The following CSE1L variants were observed in gnomAD, a reference collection of about 807,000 sequenced individuals.
CSE1L encodes exportin-2.
In CSE1L, 24 loss-of-function variants were observed where a neutral mutation model predicts 120.4. That is an observed-to-expected ratio of 0.20 (90% CI 0.14 to 0.28). The LOEUF is 0.28. Among genes scored for constraint, CSE1L ranks in the 10% least tolerant of loss-of-function variants. CSE1L has a pLI of 1.00. For missense variants in CSE1L, 830 were observed against 1,145.2 expected (o/e 0.72, Z 3.97); for synonymous variants, 402 against 398.3 (o/e 1.01, Z -0.11).
At chr20:49,047,552 C>CTTTTTTTTTT (rs1230411564) in intron 1 of CSE1L, among the ~76,000 whole-genome samples, 3 of 89,802 alleles carry the variant, frequency 3.3e-5, no homozygotes, top group African/African-American at 1.4e-4. Flanking sequence ...TTTTCTTTTT[C>CTTTTTTTTTT]TTTTCTCTTT....
intron 2 of CSE1L, 63 bp downstream of exon 2, chr20:49,058,611 T>A: frequency 8.2e-7 from 1 of 1,216,282 alleles, no homozygotes; most frequent in Non-Finnish European, 1.2e-6. Context: ...GAAACCTATG[T>A]ATTATCTGCC....
chr20:49,084,073 T>A lies in CSE1L; in HGVS notation c.1530T>A (p.His510Gln). ...LLVSIPLLIN[H>Q]LQAESIVVHT... ...TCTCGATTCCTCTCTTGATTAATCATCTTCAAGCTGAAAGTATTGTTGTTC... is the reference window on the plus strand; with the variant it reads ...TCTCGATTCCTCTCTTGATTAATCAACTTCAAGCTGAAAGTATTGTTGTTC... The change falls in exon 15 of 25, where the codon CAT (histidine) becomes CAA (glutamine). Residue 510 changes from histidine (H) to glutamine (Q), a missense_variant. Transcript: ENST00000262982. 1 of 1,614,070 alleles carries A rather than the reference T, an allele frequency of 6.2e-7. No homozygotes were observed. The highest frequency in any genetic ancestry group is 8.5e-7 in the Non-Finnish European group (1 of 1,179,918).
chr20:49,095,037 G>A lies in CSE1L; in HGVS notation c.2826+74G>A, dbSNP rs1454254196. On this transcript the variant is annotated intron_variant, in intron 24 of 24. Coordinates refer to ENST00000262982, the MANE Select transcript of CSE1L (RefSeq NM_001316.4). ...AGGGCAAAAGGATAGTAGTAGTTCTGGTGTCTGTTTTCATTGGTGGGCGTA... is the reference window on the plus strand; with the variant it reads ...AGGGCAAAAGGATAGTAGTAGTTCTAGTGTCTGTTTTCATTGGTGGGCGTA... 6.9e-6 allele frequency: 8 copies of A among 1,152,590 alleles called. No individual in the cohort carries two copies. The Admixed American group carries it at 1.5e-4, about 22-fold the overall frequency. 71.4% of individuals were successfully genotyped at this position (1,152,590 alleles called of 1,614,324 possible).
chr20:49,056,564 C>A (rs1427605190), intron 1 of CSE1L, among the ~76,000 whole-genome samples: 1 of 152,156 alleles, frequency 6.6e-6, no homozygotes, highest in Admixed American at 6.5e-5. Context: ...TCAGTTTGCA[C>A]CTAATTTTAT....
At chr20:49,059,070 G>T (rs1406179263) in intron 2 of CSE1L, among the ~76,000 whole-genome samples, 1 of 151,506 alleles carries the variant, frequency 6.6e-6, no homozygotes, top group Non-Finnish European at 1.5e-5. Flanking sequence ...GGCAGAGCTT[G>T]CAGTGAGCCG....
intron 2 of CSE1L, among the ~76,000 whole-genome samples, chr20:49,060,162 G>C (rs1419572751): frequency 6.8e-6 from 1 of 148,036 alleles, no homozygotes; most frequent in African/African-American, 2.5e-5. Flanking sequence ...TCTAGCCTGG[G>C]TGACAGAGGG....
At chr20:49,052,005 C>G (rs140952749) in intron 1 of CSE1L, among the ~76,000 whole-genome samples, 9 of 152,304 alleles carry the variant, frequency 5.9e-5, no homozygotes, top group African/African-American at 1.9e-4. Flanking sequence ...CAGAACAAAT[C>G]TAAAAATTCA....
rs2092144053 is a variant in CSE1L, at chr20:49,096,689, T to G, written c.*251T>G. On this transcript the variant is annotated 3_prime_UTR_variant, in exon 25 of 25. Coordinates refer to ENST00000262982, the MANE Select transcript of CSE1L (RefSeq NM_001316.4). ...GTATTAATAGTTCAGTGTATGGCGT[T>G]GGTTTGTGTTGAGCGTTTGCACGGT... The G allele has an allele frequency of 2.0e-6, 1 of 504,664 alleles. No individual in the cohort carries two copies. The highest frequency in any genetic ancestry group is 2.7e-5 in the South Asian group (1 of 37,624). The allele number at this position is 504,664 out of a possible 1,614,324, so 31.3% of individuals were successfully genotyped here.
Position 49,067,294 on chromosome 20 carries a change from C to G in CSE1L, c.567+14C>G, listed in dbSNP as rs777374878. 3 of 1,511,618 alleles carry G rather than the reference C, an allele frequency of 2.0e-6. No individual in the cohort carries two copies. Among genetic ancestry groups the G allele is most frequent in the Admixed American group, 3.5e-5 (2 of 56,838 alleles). The allele number at this position is 1,511,618 out of a possible 1,614,324, so 93.6% of individuals were successfully genotyped here. ...AATCTTTTTAAGGTATGGAATGCAT[C>G]TTGGTGATATTTTTAAATTAATATT... On this transcript the variant is annotated intron_variant, in intron 6 of 24. Coordinates refer to ENST00000262982, the MANE Select transcript of CSE1L (RefSeq NM_001316.4).
rs1169151375 is a variant in CSE1L, at chr20:49,065,586, A to ATTTTTTTTTTTTTTTTTTTTTTTTTT, written c.229-605_229-580dup. On this transcript the variant is annotated intron_variant, in intron 3 of 24. Transcript: ENST00000262982. The stretch of plus-strand genomic sequence containing the variant: ...CCATCGCACCTGGCCTAAAATGGAA[A>ATTTTTTTTTTTTTTTTTTTTTTTTTT]TTTTTTTTTTTTTTTTTTTTTTTTT... Among the ~76,000 whole-genome samples, 3 of 76,322 alleles carry ATTTTTTTTTTTTTTTTTTTTTTTTTT rather than the reference A, an allele frequency of 3.9e-5. 1 individual carries two copies. The highest frequency in any genetic ancestry group is 7.0e-5 in the Non-Finnish European group (3 of 42,628). The allele number at this position is 76,322 out of a possible 152,430, so 50.1% of individuals were successfully genotyped here. A position where few individuals can be genotyped will look rare whatever the true frequency, so the allele number is the denominator to read the frequency against.
Position 49,066,276 on chromosome 20 carries a change from G to C in CSE1L, c.313G>C (p.Glu105Gln), listed in dbSNP as rs773686690. Reference sequence around the variant, plus strand: ...AGTGCACTTGATGCTTAGCAGCCCAGAGCAAATTCAGAAGCAGGTAATGTC... The same window carrying C: ...AGTGCACTTGATGCTTAGCAGCCCACAGCAAATTCAGAAGCAGGTAATGTC... ...NIVHLMLSSP[E>Q]QIQKQLSDAI... The change falls in exon 4 of 25, where the codon GAG becomes CAG. Residue 105 changes from glutamate (E) to glutamine (Q), a missense_variant. This residue lies in a region of CSE1L where 543 missense variants were observed against 640.2 expected (regional missense o/e 0.85). Coordinates refer to ENST00000262982, the MANE Select transcript of CSE1L (RefSeq NM_001316.4). The C allele has an allele frequency of 6.2e-7, 1 of 1,614,188 alleles. No individual in the cohort carries two copies.
chr20:49,074,077 G>T (rs2091951652), intron 10 of CSE1L, among the ~76,000 whole-genome samples: 1 of 151,854 alleles, frequency 6.6e-6, no homozygotes, highest in Non-Finnish European at 1.5e-5. Context: ...TGGGTATGGT[G>T]GCATGGGCCT....
At chr20:49,079,240 T>G (rs771752738) in intron 14 of CSE1L, among the ~76,000 whole-genome samples, 8 of 151,626 alleles carry the variant, frequency 5.3e-5, no homozygotes, top group Non-Finnish European at 8.8e-5. Context: ...TTTTTTTTAT[T>G]TTTTTGAGAC....
chr20:49,052,640 G>A (rs67623477), intron 1 of CSE1L, among the ~76,000 whole-genome samples: 24,561 of 152,124 alleles, frequency 0.16, 2,591 homozygotes, highest in Non-Finnish European at 0.24. Context: ...GGTGGTGGTT[G>A]TTTTGGAGAT....
rs1395401040 is a variant in CSE1L at position 49,060,513 on chromosome 20, C to T, written c.85+1965C>T. On this transcript the variant is annotated intron_variant, in intron 2 of 24. Transcript: ENST00000262982. ...AAAATTGGACAGGCACATTTGCTCA[C>T]GCCTGTAATCCCAGCACTTTGGGAA... Among the ~76,000 whole-genome samples, 3 of 151,268 alleles carry T rather than the reference C, an allele frequency of 2.0e-5. No homozygotes were observed. In the East Asian group the frequency reaches 5.8e-4, roughly 29 times the overall value.
intron 21 of CSE1L, 89 bp from the exon 22 acceptor site, chr20:49,091,956 GA>G: frequency 1.4e-6 from 1 of 709,138 alleles, no homozygotes; most frequent in Admixed American, 3.0e-5. Context: ...GGATGTTAAT[GA>G]TTAAGCATAG....
At chr20:49,059,278 A>G (rs2091833162) in intron 2 of CSE1L, among the ~76,000 whole-genome samples, 1 of 152,194 alleles carries the variant, frequency 6.6e-6, no homozygotes, top group African/African-American at 2.4e-5. Context: ...TTTAACTAAT[A>G]TATTTTAAGA....
intron 1 of CSE1L, among the ~76,000 whole-genome samples, chr20:49,057,739 C>A (rs2091820114): frequency 6.6e-6 from 1 of 152,178 alleles, no homozygotes. Flanking sequence ...TCAAGCGATT[C>A]TCCTGCCTCA....
chr20:49,055,498 CT>C (rs1282628293), intron 1 of CSE1L, among the ~76,000 whole-genome samples: 1 of 152,092 alleles, frequency 6.6e-6, no homozygotes, highest in Non-Finnish European at 1.5e-5. Flanking sequence ...AGGAAAATTG[CT>C]TGAGGTCAGG....
Sources: gnomAD v4.1 joint callset for allele counts (sites outside exome capture counted in the v4.1 genomes callset) on GRCh38, gnomAD v4.1.1 for gene constraint, gnomAD v4.1.1 regional missense constraint, MANE v1.5 for transcripts, NCBI Gene and HGNC (gene_info 2026-07-23, HGNC 2026-07-21) for gene names.